The following XKR4 variants were observed in gnomAD, a reference collection of about 807,000 sequenced individuals.
XKR4 encodes XK-related protein 4.
In XKR4, 12 loss-of-function variants were observed where a neutral mutation model predicts 53.9. That is an observed-to-expected ratio of 0.22 (90% CI 0.14 to 0.36). The LOEUF is 0.36. XKR4 is among the 10% of genes least tolerant of loss of function. The pLI is 1.00. For missense variants in XKR4, 799 were observed against 859.5 expected, an observed-to-expected ratio of 0.93 and a Z score of 0.88; for synonymous variants, 354 against 362.4, an observed-to-expected ratio of 0.98 and a Z score of 0.26.
rs542899038 is a variant in XKR4 at position 55,522,121 on chromosome 8, T to C, written c.1007-1160T>C. The stretch of plus-strand genomic sequence containing the variant: ...TCTCCTAAAGGAGGCCAGTGTGTTT[T>C]TAGGTGAGCCCTGGCCACATCTGGA... On this transcript the variant is annotated intron_variant, in intron 2 of 2. Coordinates refer to ENST00000327381, the MANE Select transcript of XKR4 (RefSeq NM_052898.2). Among the ~76,000 whole-genome samples, 7 of 152,330 alleles carry C rather than the reference T, an allele frequency of 4.6e-5. No individual in the cohort carries two copies. The East Asian group carries it at 1.3e-3, about 29-fold the overall frequency.
chr8:55,382,595 A>T (rs2129387672), intron 2 of XKR4, among the ~76,000 whole-genome samples: 1 of 152,310 alleles, frequency 6.6e-6, no homozygotes, highest in South Asian at 2.1e-4. Flanking sequence ...GGAAAATCTC[A>T]ACTAGGTATT....
At chr8:55,498,631 G>T (rs1173922313) in intron 2 of XKR4, among the ~76,000 whole-genome samples, 1 of 152,076 alleles carries the variant, frequency 6.6e-6, no homozygotes, top group Non-Finnish European at 1.5e-5. Flanking sequence ...AAATTATCTG[G>T]GGCCAGTAGC....
intron 2 of XKR4, among the ~76,000 whole-genome samples, chr8:55,434,228 G>T (rs878929860): frequency 6.6e-6 from 1 of 152,138 alleles, no homozygotes; most frequent in Admixed American, 6.5e-5. Context: ...TTTTCTCTCT[G>T]TTCTCTAAAA....
At chr8:55,275,665 G>C (rs1008367318) in intron 1 of XKR4, among the ~76,000 whole-genome samples, 2 of 152,170 alleles carry the variant, frequency 1.3e-5, no homozygotes, top group East Asian at 3.9e-4. Flanking sequence ...GTTATTTCAA[G>C]AAGATATTGC....
chr8:55,439,935 C>A (rs188794232), intron 2 of XKR4, among the ~76,000 whole-genome samples: 3 of 151,928 alleles, frequency 2.0e-5, no homozygotes, highest in African/African-American at 7.3e-5. Context: ...AGCTGCAGGA[C>A]GCCAAAAAAC....
rs138779449 is a variant in XKR4 at position 55,326,097 on chromosome 8, C to G, written c.807-31581C>G. ...CTGTAGACAACAGAGGCACTGAGGA[C>G]TTCTGAATTGCGAATGACCTGATAA... is the stretch of plus-strand genomic sequence containing the variant. On this transcript the variant is annotated intron_variant, in intron 1 of 2. Transcript: ENST00000327381. 3.2e-3 allele frequency among the ~76,000 whole-genome samples: 484 copies of G among 152,260 alleles called. 1 individual carries two copies. The highest frequency in any genetic ancestry group is 4.8e-3 in the Non-Finnish European group (326 of 68,026).
intron 2 of XKR4, among the ~76,000 whole-genome samples, chr8:55,428,454 A>C (rs1038458292): frequency 6.6e-6 from 1 of 152,136 alleles, no homozygotes; most frequent in African/African-American, 2.4e-5. Flanking sequence ...CTCCAGCCAA[A>C]CACCACAGAA....
At chr8:55,188,160 T>C (rs868351491) in intron 1 of XKR4, among the ~76,000 whole-genome samples, 2 of 152,226 alleles carry the variant, frequency 1.3e-5, no homozygotes, top group Non-Finnish European at 1.5e-5. Context: ...GAGGAGTATA[T>C]AGTTGAGTTA....
chr8:55,289,158 C>T (rs1437015631), intron 1 of XKR4, among the ~76,000 whole-genome samples: 1 of 152,050 alleles, frequency 6.6e-6, no homozygotes, highest in Non-Finnish European at 1.5e-5. Context: ...ATTTTTATTT[C>T]TCTGGGACAC....
intron 2 of XKR4, among the ~76,000 whole-genome samples, chr8:55,374,273 G>A (rs1027362639): frequency 1.3e-5 from 2 of 152,210 alleles, no homozygotes; most frequent in African/African-American, 4.8e-5. Flanking sequence ...ACTAGAAAGT[G>A]AGCATGACTA....
At chr8:55,129,135 G>A (rs1009507700) in intron 1 of XKR4, among the ~76,000 whole-genome samples, 1 of 152,184 alleles carries the variant, frequency 6.6e-6, no homozygotes, top group African/African-American at 2.4e-5. Flanking sequence ...GAGACAGCAC[G>A]AACATCTGTT....
intron 2 of XKR4, among the ~76,000 whole-genome samples, chr8:55,471,245 G>A (rs1805876974): frequency 6.6e-6 from 1 of 152,096 alleles, no homozygotes; most frequent in African/African-American, 2.4e-5. Context: ...GACAGGAAAA[G>A]TAAAGAGTTT....
chr8:55,216,961 T>C (rs1266336221), intron 1 of XKR4, among the ~76,000 whole-genome samples: 1 of 152,084 alleles, frequency 6.6e-6, no homozygotes, highest in East Asian at 1.9e-4. Context: ...GGATAGTCCT[T>C]GCCAGGCGCA....
chr8:55,418,208 T>G (rs1585563866), intron 2 of XKR4, among the ~76,000 whole-genome samples: 2 of 152,246 alleles, frequency 1.3e-5, no homozygotes, highest in African/African-American at 4.8e-5. Flanking sequence ...ACACAGGCTG[T>G]ACTCATGGAG....
intron 2 of XKR4, among the ~76,000 whole-genome samples, chr8:55,462,218 C>T (rs1805669901): frequency 6.6e-6 from 1 of 152,120 alleles, no homozygotes; most frequent in Non-Finnish European, 1.5e-5. Context: ...TAAGGGCAGC[C>T]AGAGAGAAAG....
At position 55,523,388 on chromosome 8, in the gene XKR4, G is replaced by T; in HGVS notation, c.1114G>T (p.Val372Phe). ...CAAGAAGCCCATCAGCTACATGGCC[G>T]TCATCATCCAGTTCTGCTGGCACTT... is the stretch of plus-strand genomic sequence containing the variant. The part of the protein sequence containing the change: ...DDKKPISYMA[V>F]IIQFCWHFFT... The change falls in exon 3 of 3, where the codon GTC (valine) becomes TTC (phenylalanine). Residue 372 changes from valine to phenylalanine, a missense_variant. Around this residue, in one of 3 missense-constraint regions of XKR4, gnomAD observed 476 missense variants for 505.4 expected, o/e 0.94. Coordinates refer to ENST00000327381, the MANE Select transcript of XKR4 (RefSeq NM_052898.2). 1 of 1,614,214 alleles carries T rather than the reference G, an allele frequency of 6.2e-7. No homozygotes were observed. The highest frequency in any genetic ancestry group is 8.5e-7 in the Non-Finnish European group (1 of 1,180,034).
intron 1 of XKR4, among the ~76,000 whole-genome samples, chr8:55,170,217 T>C (rs1817139050): frequency 6.6e-6 from 1 of 152,220 alleles, no homozygotes; most frequent in South Asian, 2.1e-4. Flanking sequence ...CGTATCCTAA[T>C]GCCTGGAACC....
At chr8:55,306,304 G>A (rs1014884788) in intron 1 of XKR4, among the ~76,000 whole-genome samples, 1 of 152,134 alleles carries the variant, frequency 6.6e-6, no homozygotes, top group Non-Finnish European at 1.5e-5. Context: ...CAGCTTTCAA[G>A]TACAGAGACA....
At chr8:55,276,682 G>A (rs1818768684) in intron 1 of XKR4, among the ~76,000 whole-genome samples, 1 of 152,160 alleles carries the variant, frequency 6.6e-6, no homozygotes, top group African/African-American at 2.4e-5. Flanking sequence ...TTCCAAATAA[G>A]TGATTACAGA....
Sources: gnomAD v4.1 joint callset for allele counts (sites outside exome capture counted in the v4.1 genomes callset) on GRCh38, gnomAD v4.1.1 for gene constraint, gnomAD v4.1.1 regional missense constraint, MANE v1.5 for transcripts, NCBI Gene and HGNC (gene_info 2026-07-23, HGNC 2026-07-21) for gene names.